Variants in C2orf80 observed in about 807,000 individuals in gnomAD.
C2orf80 encodes the protein chromosome 2 open reading frame 80.
In C2orf80, 28 loss-of-function variants were observed where a neutral mutation model predicts 30.2. That is an observed-to-expected ratio of 0.93 (90% CI 0.69 to 1.27). C2orf80 has a LOEUF of 1.27. C2orf80 is among the 50% of genes most tolerant of loss of function. The pLI is 0.00. For missense variants in C2orf80, 220 were observed against 231.0 expected (o/e 0.95, Z 0.31); for synonymous variants, 80 against 76.4 (o/e 1.05, Z -0.24).
chr2:208,181,115 T>C (rs56342568), intron 5 of C2orf80, 103 bp downstream of exon 5: 245,471 of 900,448 alleles, frequency 0.27, 43,007 homozygotes, highest in East Asian at 0.85. Context: ...CTCCTAAACA[T>C]TTAGAAACAT....
At chr2:208,176,980 G>GTATACATATCTGTATAC (rs1696363349) in intron 6 of C2orf80, among the ~76,000 whole-genome samples, 14 of 9,370 alleles carry the variant, frequency 1.5e-3, no homozygotes, top group Non-Finnish European at 2.5e-3. Flanking sequence ...CATATATACA[G>GTATACATATCTGTATAC]AAATGTATAT....
intron 2 of C2orf80, among the ~76,000 whole-genome samples, chr2:208,186,708 G>A (rs562748839): frequency 5.9e-5 from 9 of 152,228 alleles, no homozygotes; most frequent in East Asian, 1.9e-4. Context: ...TGGATGCCTC[G>A]GATGTGCAGG....
intron 7 of C2orf80, among the ~76,000 whole-genome samples, chr2:208,171,312 TTTTA>T (rs1434345957): frequency 6.6e-6 from 1 of 151,686 alleles, no homozygotes; most frequent in South Asian, 2.1e-4. Context: ...TGGCCAGCTA[TTTTA>T]TTTATTTATT....
At chr2:208,170,578 C>G (rs1375379074) in intron 8 of C2orf80, among the ~76,000 whole-genome samples, 1 of 152,152 alleles carries the variant, frequency 6.6e-6, no homozygotes, top group African/African-American at 2.4e-5. Flanking sequence ...TTTGCATCAA[C>G]AGAGTAACAG....
At chr2:208,174,787 TC>T (rs1428682402) in intron 6 of C2orf80, among the ~76,000 whole-genome samples, 1 of 152,114 alleles carries the variant, frequency 6.6e-6, no homozygotes, top group Non-Finnish European at 1.5e-5. Context: ...GACGCCGGGG[TC>T]CGGCTGCATG....
intron 6 of C2orf80, among the ~76,000 whole-genome samples, chr2:208,173,552 G>C (rs757607994): frequency 2.0e-5 from 3 of 152,090 alleles, no homozygotes; most frequent in Non-Finnish European, 4.4e-5. Flanking sequence ...GTGAACCCGG[G>C]AGGCGGAGCT....
At chr2:208,174,395 G>A (rs946554153) in intron 6 of C2orf80, among the ~76,000 whole-genome samples, 1 of 152,216 alleles carries the variant, frequency 6.6e-6, no homozygotes, top group African/African-American at 2.4e-5. Context: ...AATTACTGGA[G>A]TAAGTGTGAG....
intron 3 of C2orf80, among the ~76,000 whole-genome samples, chr2:208,184,024 TC>T (rs1391963365): frequency 6.6e-6 from 1 of 152,222 alleles, no homozygotes; most frequent in East Asian, 1.9e-4. Flanking sequence ...AATTATTTCT[TC>T]CAGGGACTGA....
rs895485581 is a variant in C2orf80, at chr2:208,165,689, T to C, written c.*118A>G. ...CATCAAAAATAACACTTCAGTGCAGTTGTACCAAAAACAGTTGTAAAGAAA... is the reference window on the plus strand; with the variant it reads ...CATCAAAAATAACACTTCAGTGCAGCTGTACCAAAAACAGTTGTAAAGAAA... On this transcript the variant is annotated 3_prime_UTR_variant, in exon 9 of 9. Coordinates refer to ENST00000341287, the MANE Select transcript of C2orf80 (RefSeq NM_001099334.3). 85 of 1,396,340 alleles carry C rather than the reference T, an allele frequency of 6.1e-5. No individual in the cohort carries two copies. Among genetic ancestry groups the C allele is most frequent in the Non-Finnish European group, 8.1e-5 (82 of 1,006,142 alleles). 86.5% of individuals were successfully genotyped at this position (1,396,340 alleles called of 1,614,324 possible). A position where few individuals can be genotyped will look rare whatever the true frequency, so the allele number is the denominator to read the frequency against.
intron 6 of C2orf80, among the ~76,000 whole-genome samples, chr2:208,179,412 C>T (rs1559342206): frequency 6.6e-6 from 1 of 152,250 alleles, no homozygotes; most frequent in Admixed American, 6.5e-5. Flanking sequence ...CCTGTGGCCA[C>T]AGCCTTGCCC....
chr2:208,170,889 A>G (rs1274767320), intron 8 of C2orf80, 56 bp downstream of exon 8: 1 of 1,396,326 alleles, frequency 7.2e-7, no homozygotes, highest in East Asian at 2.3e-5. Context: ...GGTATCAGGA[A>G]AGTACTCCCA....
intron 8 of C2orf80, among the ~76,000 whole-genome samples, chr2:208,168,843 G>A (rs4366892): frequency 0.89 from 127,956 of 143,946 alleles, 57,098 homozygotes; most frequent in Non-Finnish European, 0.93. Flanking sequence ...CGACACTCCT[G>A]GGCTCGCAAG....
At chr2:208,176,259 T>A (rs1287015793) in intron 6 of C2orf80, among the ~76,000 whole-genome samples, 1 of 152,142 alleles carries the variant, frequency 6.6e-6, no homozygotes, top group East Asian at 1.9e-4. Context: ...CACTGCCACC[T>A]CTGCCTCCTG....
At chr2:208,166,216 ATAGAG>A (rs566741826) in intron 8 of C2orf80, among the ~76,000 whole-genome samples, 33 of 152,334 alleles carry the variant, frequency 2.2e-4, no homozygotes, top group Admixed American at 6.5e-4. Context: ...ACAGAGGTAC[ATAGAG>A]TAAAGTGGTA....
rs1308794551 is a variant in C2orf80 at position 208,176,963 on chromosome 2, A to ATACAGATCTGTATACATC, written c.366+3781_366+3782insGATGTATACAGATCTGTA. ...TATCTGTATACATATCTGTATACATATGTATACATATATACAGAAATGTAT... is the reference window on the plus strand; with the variant it reads ...TATCTGTATACATATCTGTATACATATACAGATCTGTATACATCTGTATACATATATACAGAAATGTAT... On this transcript the variant is annotated intron_variant, in intron 6 of 8. Transcript: ENST00000341287. 5.5e-5 allele frequency among the ~76,000 whole-genome samples: 2 copies of ATACAGATCTGTATACATC among 36,146 alleles called. 1 individual carries two copies. The highest frequency in any genetic ancestry group is 1.2e-4 in the Non-Finnish European group (2 of 16,618). 23.7% of individuals were successfully genotyped at this position (36,146 alleles called of 152,430 possible). A position where few individuals can be genotyped will look rare whatever the true frequency, so the allele number is the denominator to read the frequency against.
intron 3 of C2orf80, among the ~76,000 whole-genome samples, chr2:208,183,614 C>G (rs188817435): frequency 6.6e-6 from 1 of 152,140 alleles, no homozygotes; most frequent in East Asian, 1.9e-4. Flanking sequence ...GGGGAGATAG[C>G]TAGAATCCCA....
chr2:208,177,184 A>G (rs900861456), intron 6 of C2orf80, among the ~76,000 whole-genome samples: 1 of 147,604 alleles, frequency 6.8e-6, no homozygotes, highest in African/African-American at 2.5e-5. Flanking sequence ...TATATGTAAT[A>G]TACATTATAT....
At chr2:208,166,953 C>T (rs10167075) in intron 8 of C2orf80, among the ~76,000 whole-genome samples, 22,272 of 152,082 alleles carry the variant, frequency 0.15, 2,619 homozygotes, top group African/African-American at 0.33. Context: ...CCTGGCCTGT[C>T]CTGACACTTT....
chr2:208,178,499 A>G (rs1015282210), intron 6 of C2orf80, among the ~76,000 whole-genome samples: 5 of 152,172 alleles, frequency 3.3e-5, no homozygotes, highest in Non-Finnish European at 7.3e-5. Context: ...TATCCAAGGA[A>G]CACAGAGAGC....
Sources: gnomAD v4.1 joint callset for allele counts (sites outside exome capture counted in the v4.1 genomes callset) on GRCh38, gnomAD v4.1.1 for gene constraint, MANE v1.5 for transcripts, NCBI Gene and HGNC (gene_info 2026-07-23, HGNC 2026-07-21) for gene names.